DHRS12: variants seen among roughly 807,000 people sequenced by gnomAD.
The protein encoded by DHRS12 is dehydrogenase/reductase 12.
A neutral mutation model predicts 32.1 loss-of-function variants in DHRS12; 29 were observed. That is an observed-to-expected ratio of 0.90 (90% CI 0.67 to 1.23). DHRS12 has a LOEUF of 1.23. Ranked by LOEUF, DHRS12 falls within the 50% of genes most tolerant of loss-of-function variation. The probability of loss-of-function intolerance (pLI) is 0.00; values close to 1 mark genes in which losing one functional copy is unlikely to be tolerated. For synonymous variants in DHRS12, 150 were observed against 135.9 expected, an observed-to-expected ratio of 1.10 and a Z score of -0.72; for missense variants, 330 against 337.2, an observed-to-expected ratio of 0.98 and a Z score of 0.17.
At chr13:51,771,786 C>G in intron 7 of DHRS12, 35 bp downstream of exon 7, 1 of 1,609,506 alleles carries the variant, frequency 6.2e-7, no homozygotes, top group Non-Finnish European at 8.5e-7. Context: ...TTAGATGAAA[C>G]GTAAGTGGCT....
the DHRS12 span, chr13:51,756,206 G>A: frequency 2.2e-6 from 3 of 1,365,556 alleles, no homozygotes; most frequent in East Asian, 2.3e-5. Flanking sequence ...TAGTTCTGGG[G>A]CTCTCTTGTT....
At chr13:51,790,378 T>C (rs533294930) in intron 3 of DHRS12, among the ~76,000 whole-genome samples, 3 of 152,252 alleles carry the variant, frequency 2.0e-5, no homozygotes, top group Admixed American at 6.5e-5. Flanking sequence ...AACGGTCCAA[T>C]AGAAATATCT....
chr13:51,759,626 A>G, the DHRS12 span: 59 of 833,818 alleles, frequency 7.1e-5, no homozygotes, highest in South Asian at 5.2e-5. Flanking sequence ...TCATGTTAGT[A>G]TAGTATGTGG....
At chr13:51,770,533 C>T (rs1424769294) in intron 7 of DHRS12, among the ~76,000 whole-genome samples, 1 of 152,230 alleles carries the variant, frequency 6.6e-6, no homozygotes, top group African/African-American at 2.4e-5. Flanking sequence ...GCATGTCTCC[C>T]ATTAGGCCGT....
chr13:51,754,935 A>G, the DHRS12 span, among the ~76,000 whole-genome samples: 2 of 152,148 alleles, frequency 1.3e-5, no homozygotes, highest in South Asian at 4.1e-4. Context: ...TGTTTCACAA[A>G]CAAACATTAA....
In DHRS12 at chr13:51,780,283, G is replaced by T. The variant is rs189231413; in HGVS notation, c.302-3162C>A. On this transcript the variant is annotated intron_variant, in intron 4 of 8. Coordinates refer to ENST00000444610, the MANE Select transcript of DHRS12 (RefSeq NM_001377533.1). ...GGTGCTTTTAGTCATTCATATCTTC[G>T]TGTGAACCAGGTCAACAACTTCCTT... Among the ~76,000 whole-genome samples the T allele has an allele frequency of 6.2e-4, 95 of 152,262 alleles. 1 individual carries two copies. In the South Asian group the frequency reaches 0.013, roughly 21 times the overall value.
intron 6 of DHRS12, among the ~76,000 whole-genome samples, chr13:51,772,359 T>C (rs950800026): frequency 5.3e-5 from 8 of 152,114 alleles, no homozygotes; most frequent in African/African-American, 1.9e-4. Context: ...TTAAGGCCGG[T>C]GGCTCAAGTC....
At chr13:51,758,420 A>G in the DHRS12 span, 1 of 601,426 alleles carries the variant, frequency 1.7e-6, no homozygotes. Flanking sequence ...CCATGGTGGC[A>G]TGTGTCTGTA....
chr13:51,772,294 A>T (rs945571358), intron 6 of DHRS12, among the ~76,000 whole-genome samples: 4 of 151,958 alleles, frequency 2.6e-5, no homozygotes, highest in Non-Finnish European at 5.9e-5. Flanking sequence ...TCACTGCTGT[A>T]CTTCAGGCCC....
the DHRS12 span, chr13:51,760,162 GTT>G: frequency 6.1e-6 from 1 of 164,828 alleles, no homozygotes; most frequent in East Asian, 1.7e-4. Flanking sequence ...TACTTTCTGT[GTT>G]TACTTCAACA....
chr13:51,767,965 A>G (rs542294069), downstream of DHRS12: 2 of 1,350,550 alleles, frequency 1.5e-6, no homozygotes. Flanking sequence ...AATGAGACTT[A>G]AAATAAGAAA....
At chr13:51,773,663 C>G (rs966627496) in intron 6 of DHRS12, among the ~76,000 whole-genome samples, 1 of 152,046 alleles carries the variant, frequency 6.6e-6, no homozygotes, top group Non-Finnish European at 1.5e-5. Context: ...GATCCCCCTG[C>G]TAGGATCCTG....
intron 8 of DHRS12, chr13:51,768,837 G>A: frequency 7.6e-7 from 1 of 1,323,808 alleles, no homozygotes. Flanking sequence ...TTGCAGTGCA[G>A]CTTTGAATAG....
chr13:51,759,870 A>G, the DHRS12 span: 1 of 1,291,988 alleles, frequency 7.7e-7, no homozygotes, highest in Non-Finnish European at 1.1e-6. Flanking sequence ...AGAAGTAAGA[A>G]AGAAACTAAA....
At chr13:51,783,920 C>T (rs904761616) in intron 4 of DHRS12, among the ~76,000 whole-genome samples, 2 of 152,070 alleles carry the variant, frequency 1.3e-5, no homozygotes, top group African/African-American at 2.4e-5. Flanking sequence ...CTGTTTGGGG[C>T]GATTATGAAT....
At chr13:51,770,900 C>T (rs1384352760) in intron 7 of DHRS12, 1 of 1,178,486 alleles carries the variant, frequency 8.5e-7, no homozygotes, top group Middle Eastern at 3.6e-4. Context: ...AATTTATTAA[C>T]TTCATCTCCT....
In DHRS12 at chr13:51,777,042, C is replaced by T. The variant is rs1375068780; in HGVS notation, c.363+18G>A. On this transcript the variant is annotated intron_variant, in intron 5 of 8. Coordinates refer to ENST00000444610, the MANE Select transcript of DHRS12 (RefSeq NM_001377533.1). ...GCAAAGTCCATTATCCTCAAAACAT[C>T]CCATAAGGTCAACTCACCACTCGGG... The T allele has an allele frequency of 2.5e-6, 4 of 1,613,942 alleles. No individual in the cohort carries two copies. The highest frequency in any genetic ancestry group is 2.7e-5 in the African/African-American group (2 of 74,924).
intron 4 of DHRS12, among the ~76,000 whole-genome samples, chr13:51,787,777 TA>T (rs1955030973): frequency 1.7e-5 from 1 of 59,812 alleles, no homozygotes; most frequent in Non-Finnish European, 3.0e-5. Flanking sequence ...ATAAATTATA[TA>T]TAATTTATAA....
chr13:51,775,602 C>G (rs1465665944), intron 5 of DHRS12: 8 of 5,828 alleles, frequency 1.4e-3, no homozygotes, highest in African/African-American at 6.7e-3. Flanking sequence ...TACATGTATT[C>G]TCCTACAGTA....
Sources: allele counts gnomAD v4.1 joint callset (sites outside exome capture counted in the v4.1 genomes callset), GRCh38; gene constraint gnomAD v4.1.1; transcripts MANE v1.5; gene names NCBI Gene and HGNC (gene_info 2026-07-23, HGNC 2026-07-21).